DAPP1: variants seen among roughly 807,000 people sequenced by gnomAD.
DAPP1 encodes dual adapter for phosphotyrosine and 3-phosphotyrosine and 3-phosphoinositide.
DAPP1 carries 20 observed loss-of-function variants against 41.5 expected under a neutral mutation model. That is an observed-to-expected ratio of 0.48 (90% CI 0.34 to 0.70). The LOEUF (loss-of-function observed/expected upper bound fraction) is 0.70, where lower values mean the gene tolerates loss of function less well. Ranked by LOEUF, DAPP1 falls within the 30% of genes least tolerant of loss-of-function variation. The pLI is 0.01. For missense variants in DAPP1, 233 were observed against 333.4 expected (o/e 0.70, Z 2.35); for synonymous variants, 113 against 116.2 (o/e 0.97, Z 0.18).
chr4:99,853,107 A>G (rs1341814855), intron 3 of DAPP1, 111 bp from the exon 4 acceptor site: 34 of 1,220,528 alleles, frequency 2.8e-5, no homozygotes, highest in Non-Finnish European at 3.4e-5. Context: ...TGAGCGAGGG[A>G]ATACATGAAA....
chr4:99,835,012 ATTT>A (rs34131192), intron 1 of DAPP1, among the ~76,000 whole-genome samples: 1 of 143,964 alleles, frequency 6.9e-6, no homozygotes, highest in Admixed American at 6.9e-5. Flanking sequence ...TAATGACCTC[ATTT>A]TTTTTTTTTT....
chr4:99,861,244 C>T (rs979757676), intron 4 of DAPP1, among the ~76,000 whole-genome samples: 6 of 152,228 alleles, frequency 3.9e-5, no homozygotes, highest in African/African-American at 7.2e-5. Flanking sequence ...TAGATGTGTG[C>T]GTGTTTATGT....
downstream of DAPP1, among the ~76,000 whole-genome samples, chr4:99,871,614 C>T (rs1181407791): frequency 6.6e-6 from 1 of 152,192 alleles, no homozygotes; most frequent in Non-Finnish European, 1.5e-5. Flanking sequence ...TGCTAGCAAA[C>T]AGTGTGCACA....
chr4:99,853,712 A>G (rs1194962405), intron 4 of DAPP1, among the ~76,000 whole-genome samples: 1 of 152,178 alleles, frequency 6.6e-6, no homozygotes, highest in East Asian at 1.9e-4. Flanking sequence ...CCAGCTACTC[A>G]GGAGGCTAAG....
chr4:99,851,078 C>T (rs969934719), intron 3 of DAPP1, among the ~76,000 whole-genome samples: 6 of 152,186 alleles, frequency 3.9e-5, no homozygotes, highest in African/African-American at 1.4e-4. Context: ...GGAGCCAGCG[C>T]TGAATTTACC....
chr4:99,832,892 G>C (rs910969347), intron 1 of DAPP1, among the ~76,000 whole-genome samples: 1 of 150,578 alleles, frequency 6.6e-6, no homozygotes, highest in Non-Finnish European at 1.5e-5. Context: ...CTGTTATCAG[G>C]CTATATAATT....
At chr4:99,817,718 G>A (rs998983693) in intron 1 of DAPP1, among the ~76,000 whole-genome samples, 5 of 152,198 alleles carry the variant, frequency 3.3e-5, no homozygotes, top group African/African-American at 1.2e-4. Flanking sequence ...TAAGAAACAA[G>A]TATTACACAA....
At chr4:99,854,462 T>C (rs1376841016) in intron 4 of DAPP1, among the ~76,000 whole-genome samples, 1 of 152,184 alleles carries the variant, frequency 6.6e-6, no homozygotes, top group African/African-American at 2.4e-5. Context: ...AAGTGTAACT[T>C]TCTATATCTG....
intron 1 of DAPP1, among the ~76,000 whole-genome samples, chr4:99,834,172 G>A (rs1234693202): frequency 6.6e-6 from 1 of 152,150 alleles, no homozygotes; most frequent in Non-Finnish European, 1.5e-5. Context: ...AGATGGTGCA[G>A]AGCAATATGC....
intron 1 of DAPP1, among the ~76,000 whole-genome samples, chr4:99,833,962 A>T (rs1723208599): frequency 6.6e-6 from 1 of 152,178 alleles, no homozygotes. Flanking sequence ...TATGCCTATT[A>T]GTCATACTAT....
chr4:99,824,552 A>T (rs80063209), intron 1 of DAPP1, among the ~76,000 whole-genome samples: 1,746 of 152,248 alleles, frequency 0.011, 41 homozygotes, highest in African/African-American at 0.039. Context: ...ACCCCAATGT[A>T]CTTATAGCTC....
At chr4:99,855,108 T>C (rs1488511551) in intron 4 of DAPP1, among the ~76,000 whole-genome samples, 1 of 152,168 alleles carries the variant, frequency 6.6e-6, no homozygotes, top group African/African-American at 2.4e-5. Flanking sequence ...AGACAATAAA[T>C]AGTCCAAAGG....
chr4:99,841,558 C>A (rs1723497828), intron 3 of DAPP1, among the ~76,000 whole-genome samples: 1 of 152,186 alleles, frequency 6.6e-6, no homozygotes, highest in Admixed American at 6.5e-5. Flanking sequence ...GAACAAATGG[C>A]CAGTGGAGGT....
chr4:99,830,569 A>G (rs776690167), intron 1 of DAPP1, among the ~76,000 whole-genome samples: 35 of 152,144 alleles, frequency 2.3e-4, no homozygotes, highest in Non-Finnish European at 3.8e-4. Flanking sequence ...ATCTCTCACC[A>G]TTCCCAACTG....
At chr4:99,829,159 A>T (rs1023613368) in intron 1 of DAPP1, among the ~76,000 whole-genome samples, 1 of 152,192 alleles carries the variant, frequency 6.6e-6, no homozygotes, top group Non-Finnish European at 1.5e-5. Flanking sequence ...TTATAAAAGA[A>T]GAAAATTTTT....
In DAPP1 at chr4:99,818,048, G is replaced by T. The variant is rs188313841; in HGVS notation, c.101+1034G>T. Among the ~76,000 whole-genome samples the T allele has an allele frequency of 4.7e-4, 72 of 152,306 alleles. No individual in the cohort carries two copies. In the East Asian group the frequency reaches 0.012, roughly 26 times the overall value. Reference sequence around the variant, plus strand: ...ACCAAAATAGAGTTGAAATCTCTCTGTGTTAAGGCTGCAGAGATTGTATCT... The same window carrying T: ...ACCAAAATAGAGTTGAAATCTCTCTTTGTTAAGGCTGCAGAGATTGTATCT... On this transcript the variant is annotated intron_variant, in intron 1 of 8. Transcript: ENST00000512369.
Position 99,854,263 on chromosome 4 carries a change from AT to A in DAPP1, c.489+917del, listed in dbSNP as rs1297828184. The stretch of plus-strand genomic sequence containing the variant: ...TCTCCAACACCCTTTTCCCTTCATT[AT>A]TCTGAAGGCCCTTCTATTTGTTGTC... On this transcript the variant is annotated intron_variant, in intron 4 of 8. Transcript: ENST00000512369. Among the ~76,000 whole-genome samples the A allele has an allele frequency of 2.6e-5, 4 of 152,096 alleles. No homozygotes were observed. In the East Asian group the frequency reaches 5.8e-4, roughly 22 times the overall value.
At chr4:99,838,435 G>A in intron 2 of DAPP1, among the ~76,000 whole-genome samples, 2 of 152,228 alleles carry the variant, frequency 1.3e-5, no homozygotes, top group Admixed American at 1.3e-4. Flanking sequence ...CAGCCACTTT[G>A]GTACGTGTTG....
downstream of DAPP1, among the ~76,000 whole-genome samples, chr4:99,871,885 T>C (rs909301995): frequency 1.3e-5 from 2 of 152,208 alleles, no homozygotes; most frequent in Admixed American, 1.3e-4. Flanking sequence ...AATGAGATTG[T>C]AAGTTGTGTC....
Sources: allele counts gnomAD v4.1 joint callset (sites outside exome capture counted in the v4.1 genomes callset), GRCh38; gene constraint gnomAD v4.1.1; transcripts MANE v1.5; gene names NCBI Gene and HGNC (gene_info 2026-07-23, HGNC 2026-07-21).